The following RGS12 variants were observed in gnomAD, a reference collection of about 807,000 sequenced individuals.
RGS12 encodes regulator of G-protein signaling 12.
A neutral mutation model predicts 120.1 loss-of-function variants in RGS12; 66 were observed. That is an observed-to-expected ratio of 0.55 (90% CI 0.45 to 0.67). RGS12 has a LOEUF of 0.67. RGS12 is among the 30% of genes least tolerant of loss of function. The pLI is 0.00. For synonymous variants in RGS12, 827 were observed against 804.7 expected (o/e 1.03, Z -0.47); for missense variants, 1,859 against 1,957.7 (o/e 0.95, Z 0.95).
intron 3 of RGS12, among the ~76,000 whole-genome samples, chr4:3,354,266 C>T (rs913511284): frequency 4.6e-5 from 7 of 152,182 alleles, no homozygotes; most frequent in Non-Finnish European, 1.0e-4. Flanking sequence ...GCTCTGCTCA[C>T]CTTTACAAGT....
At chr4:3,388,659 G>A (rs1421634065) in intron 4 of RGS12, among the ~76,000 whole-genome samples, 3 of 151,756 alleles carry the variant, frequency 2.0e-5, no homozygotes, top group Non-Finnish European at 4.4e-5. Flanking sequence ...ACCCTCCAGC[G>A]CCTGCAGCCC....
intron 1 of RGS12, among the ~76,000 whole-genome samples, chr4:3,307,009 T>C (rs1179013671): frequency 6.6e-6 from 1 of 152,200 alleles, no homozygotes; most frequent in Non-Finnish European, 1.5e-5. Flanking sequence ...TTCCGATGTT[T>C]GGTTTCCTTC....
intron 4 of RGS12, among the ~76,000 whole-genome samples, chr4:3,397,055 C>T (rs891604216): frequency 6.6e-6 from 1 of 152,178 alleles, no homozygotes; most frequent in Non-Finnish European, 1.5e-5. Context: ...AAAACCATCT[C>T]TTCTGGATGA....
intron 3 of RGS12, among the ~76,000 whole-genome samples, chr4:3,360,157 G>A (rs1715419815): frequency 6.6e-6 from 1 of 152,170 alleles, no homozygotes; most frequent in Non-Finnish European, 1.5e-5. Flanking sequence ...GTGTAGAGTT[G>A]TTCACAGTAC....
intron 17 of RGS12, among the ~76,000 whole-genome samples, chr4:3,434,329 G>A (rs1441609384): frequency 6.6e-6 from 1 of 152,180 alleles, no homozygotes; most frequent in Non-Finnish European, 1.5e-5. Flanking sequence ...TCCCACCCTT[G>A]ATACCGGGGG....
In RGS12 at chr4:3,433,321, T is replaced by C. The variant is rs1044005560; in HGVS notation, c.4114+2366T>C. ...AGCCCACGGGCTCCCGCCCTCCCCATTGCCATGGTGGGCAGCATGCCGGCT... is the reference window on the plus strand; with the variant it reads ...AGCCCACGGGCTCCCGCCCTCCCCACTGCCATGGTGGGCAGCATGCCGGCT... On this transcript the variant is annotated intron_variant, in intron 17 of 17. Coordinates refer to ENST00000336727, the MANE Select transcript of RGS12 (RefSeq NM_001394154.1). This position sits in a 1 kb window ranked among gnomAD's most constrained non-coding sequence, Gnocchi z 4.4. 1.1e-4 allele frequency among the ~76,000 whole-genome samples: 16 copies of C among 152,256 alleles called. 5 individuals are homozygous for C. The highest frequency in any genetic ancestry group is 1.3e-4 in the Admixed American group (2 of 15,308).
chr4:3,430,836 T>C lies in RGS12; in HGVS notation c.3995T>C (p.Val1332Ala). The C allele has an allele frequency of 6.2e-7, 1 of 1,611,728 alleles. No individual in the cohort carries two copies. The highest frequency in any genetic ancestry group is 8.5e-7 in the Non-Finnish European group (1 of 1,179,524). ...QEVEAGGIQTVEDEHVAELTL... is the reference protein window; with the variant it reads ...QEVEAGGIQTAEDEHVAELTL... ...GTGGAGGCCGGGGGCATCCAGACGGTGGAGGATGAGCACGTGGCCGAGCTG... is the reference window on the plus strand; with the variant it reads ...GTGGAGGCCGGGGGCATCCAGACGGCGGAGGATGAGCACGTGGCCGAGCTG... Residue 1332 changes from valine to alanine, a missense_variant, in exon 17 of 18, where the codon GTG becomes GCG. By Grantham distance (64) the Val-to-Ala change is moderately conservative (BLOSUM62 0). Coordinates refer to ENST00000336727, the MANE Select transcript of RGS12 (RefSeq NM_001394154.1).
chr4:3,299,294 A>G (rs1578670636), intron 1 of RGS12, among the ~76,000 whole-genome samples: 1 of 152,066 alleles, frequency 6.6e-6, no homozygotes, highest in Admixed American at 6.5e-5. Flanking sequence ...CTCCTTTCTG[A>G]GATATGCCCC....
At chr4:3,429,068 G>A (rs1387105919) in intron 16 of RGS12, among the ~76,000 whole-genome samples, 1 of 152,254 alleles carries the variant, frequency 6.6e-6, no homozygotes, top group Non-Finnish European at 1.5e-5. Context: ...TGGAGGCACA[G>A]TTAGCATTAG....
At position 3,415,155 on chromosome 4, in the gene RGS12, G is replaced by A. The variant is rs1324044234; in HGVS notation, c.2283+311G>A. Reference sequence around the variant, plus strand: ...TGAGGGGCGTGTGTGAGAGGGCCGCGTGTGTGTGAGGGGCGTGTGTGATAG... The same window carrying A: ...TGAGGGGCGTGTGTGAGAGGGCCGCATGTGTGTGAGGGGCGTGTGTGATAG... On this transcript the variant is annotated intron_variant, in intron 6 of 17. Coordinates refer to ENST00000336727, the MANE Select transcript of RGS12 (RefSeq NM_001394154.1). Among the ~76,000 whole-genome samples the A allele has an allele frequency of 2.0e-5, 3 of 147,998 alleles. No homozygotes were observed. In the South Asian group the frequency reaches 6.6e-4, roughly 32 times the overall value.
At chr4:3,432,060 AGCCTCCACCCCTG>A in intron 17 of RGS12, 1 of 985,280 alleles carries the variant, frequency 1.0e-6, no homozygotes, top group Non-Finnish European at 1.2e-6. Context: ...GCCACTCTGC[AGCCTCCACCCCTG>A]GCCTGAGTCC....
chr4:3,351,993 A>C (rs1560106462), intron 3 of RGS12, among the ~76,000 whole-genome samples: 1 of 152,174 alleles, frequency 6.6e-6, no homozygotes, highest in African/African-American at 2.4e-5. Context: ...CAAGCAAGGG[A>C]AAAAAGAGCC....
upstream of RGS12, among the ~76,000 whole-genome samples, chr4:3,290,547 T>TG (rs983860181): frequency 2.0e-5 from 3 of 152,262 alleles, no homozygotes; most frequent in Non-Finnish European, 4.4e-5. Flanking sequence ...TGTTGGAATG[T>TG]GGGGGGACGC....
At chr4:3,427,625 A>G (rs754357168) in intron 14 of RGS12, among the ~76,000 whole-genome samples, 11 of 152,230 alleles carry the variant, frequency 7.2e-5, no homozygotes, top group Non-Finnish European at 5.9e-5. Context: ...AATCCCAGCT[A>G]CATGGGAGGC....
At chr4:3,378,020 C>A (rs1172183481) in intron 3 of RGS12, 1 of 152,046 alleles carries the variant, frequency 6.6e-6, no homozygotes, top group Non-Finnish European at 1.5e-5. Flanking sequence ...TGTGGCTGTA[C>A]TTTTTTTGTA....
chr4:3,350,538 C>T (rs932542107), intron 3 of RGS12, among the ~76,000 whole-genome samples: 1 of 151,868 alleles, frequency 6.6e-6, no homozygotes, highest in African/African-American at 2.4e-5. Flanking sequence ...AAAAATTAGG[C>T]AGGTATGATG....
At position 3,425,636 on chromosome 4, in the gene RGS12, C is replaced by CAT. The variant is rs1199912471; in HGVS notation, c.3331+77_3331+78insTA. The CAT allele has an allele frequency of 5.9e-5, 36 of 610,934 alleles. No homozygotes were observed. The Admixed American group carries it at 9.6e-4, about 16-fold the overall frequency. 37.8% of individuals were successfully genotyped at this position (610,934 alleles called of 1,614,324 possible). A position where few individuals can be genotyped will look rare whatever the true frequency, so the allele number is the denominator to read the frequency against. On this transcript the variant is annotated intron_variant, in intron 14 of 17. Transcript: ENST00000336727. ...AGGGGAGGGGGCTATGGAGCCGGTG[C>CAT]AGGGGAGGGGGTGAGTGGGGCCAGT...
At chr4:3,331,165 T>C (rs1028357966) in intron 2 of RGS12, among the ~76,000 whole-genome samples, 13 of 152,298 alleles carry the variant, frequency 8.5e-5, no homozygotes, top group Middle Eastern at 3.4e-3. Flanking sequence ...AAAACACATA[T>C]ATTTAATATC....
At chr4:3,402,305 T>G (rs997845000) in intron 4 of RGS12, among the ~76,000 whole-genome samples, 1 of 152,184 alleles carries the variant, frequency 6.6e-6, no homozygotes, top group Admixed American at 6.5e-5. Context: ...GCCCCTGATG[T>G]GTAGAGTAGG....
Sources: allele counts gnomAD v4.1 joint callset (sites outside exome capture counted in the v4.1 genomes callset), GRCh38; gene constraint gnomAD v4.1.1; non-coding constraint Gnocchi (gnomAD v3.1); transcripts MANE v1.5; gene names NCBI Gene and HGNC (gene_info 2026-07-23, HGNC 2026-07-21).